Variants in SEMA3A observed in about 807,000 individuals in gnomAD.
SEMA3A encodes semaphorin-3A.
In SEMA3A, 29 loss-of-function variants were observed where a neutral mutation model predicts 97.9. The observed-to-expected ratio is 0.30, with a 90% CI of 0.22 to 0.40. SEMA3A has a LOEUF of 0.40. Ranked by LOEUF, SEMA3A falls within the 10% of genes least tolerant of loss-of-function variation. The pLI is 1.00. For synonymous variants in SEMA3A, 321 were observed against 323.7 expected, an observed-to-expected ratio of 0.99 and a Z score of 0.09; for missense variants, 763 against 951.3, an observed-to-expected ratio of 0.80 and a Z score of 2.60.
At chr7:84,190,660 GA>G (rs1396842846) in intron 1 of SEMA3A, among the ~76,000 whole-genome samples, 3 of 149,058 alleles carry the variant, frequency 2.0e-5, no homozygotes, top group Non-Finnish European at 3.0e-5. Flanking sequence ...GGACATCCAT[GA>G]AAACTTTTCA....
In SEMA3A at chr7:84,007,362, C is replaced by T. The variant is rs773185532; in HGVS notation, c.1131G>A (p.Arg377=). The stretch of plus-strand genomic sequence containing the variant: ...CACCTAAGCTACTTACAGTTCCTGG[C>T]CGTGGATAGGGGACTCTTCCTTGAT... The part of the protein sequence containing the change: ...VPYQGRVPYP[R]PGTCPSKTFG... Residue 377 remains arginine (R), a synonymous_variant, in exon 10 of 17, where the codon CGG becomes CGA. Coordinates refer to ENST00000265362, the MANE Select transcript of SEMA3A (RefSeq NM_006080.3). The T allele has an allele frequency of 1.9e-6, 3 of 1,600,298 alleles. No individual in the cohort carries two copies. Among genetic ancestry groups the T allele is most frequent in the Admixed American group, 1.7e-5 (1 of 57,728 alleles).
intron 4 of SEMA3A, among the ~76,000 whole-genome samples, chr7:84,068,893 A>G (rs2115742301): frequency 1.3e-5 from 2 of 152,270 alleles, no homozygotes; most frequent in South Asian, 4.1e-4. Flanking sequence ...GAAAGCTGGC[A>G]TCCCTTTCCT....
intron 2 of SEMA3A, among the ~76,000 whole-genome samples, chr7:84,312,141 T>G (rs2115867494): frequency 6.6e-6 from 1 of 152,128 alleles, no homozygotes; most frequent in Non-Finnish European, 1.5e-5. Flanking sequence ...CTTCCAAACC[T>G]AATTTTTTGT....
At chr7:84,296,419 T>A (rs1377504600) in intron 3 of SEMA3A, among the ~76,000 whole-genome samples, 2 of 152,170 alleles carry the variant, frequency 1.3e-5, no homozygotes, top group Admixed American at 6.6e-5. Flanking sequence ...TGGAAGGATA[T>A]TTGTTTTACA....
At chr7:84,409,601 C>T (rs947148744) in intron 1 of SEMA3A, among the ~76,000 whole-genome samples, 8 of 151,942 alleles carry the variant, frequency 5.3e-5, no homozygotes, top group Non-Finnish European at 1.2e-4. Context: ...TTCTCTGAAA[C>T]GTATTTAACC....
At chr7:84,199,399 T>C (rs967332209), upstream of SEMA3A, among the ~76,000 whole-genome samples, 1 of 151,546 alleles carries the variant, frequency 6.6e-6, no homozygotes, top group East Asian at 1.9e-4. Flanking sequence ...TAAAGGAAAT[T>C]ACTAAGTTGG....
chr7:84,020,492 C>T (rs1791289095), intron 6 of SEMA3A, among the ~76,000 whole-genome samples: 1 of 151,536 alleles, frequency 6.6e-6, no homozygotes, highest in South Asian at 2.1e-4. Flanking sequence ...ATCTAGATAA[C>T]TCACTACAAC....
intron 1 of SEMA3A, among the ~76,000 whole-genome samples, chr7:84,396,573 G>C (rs1401333783): frequency 6.6e-6 from 1 of 151,750 alleles, no homozygotes; most frequent in Non-Finnish European, 1.5e-5. Flanking sequence ...TTTCATGTAA[G>C]AACTACTATC....
In SEMA3A at chr7:84,060,554, T is replaced by C. The variant is rs139295139; in HGVS notation, c.458A>G (p.Asn153Ser). 5,808 of 1,583,366 alleles carry C rather than the reference T, an allele frequency of 3.7e-3. 20 individuals carry two copies. The highest frequency in any genetic ancestry group is 4.5e-3 in the Non-Finnish European group (5,258 of 1,167,878). Residue 153 changes from asparagine to serine, a missense_variant, in exon 5 of 17, where the codon AAT (asparagine) becomes AGT (serine). By Grantham distance (46) the Asn-to-Ser change is conservative. Transcript: ENST00000265362. Reference sequence around the variant, plus strand: ...ATGTGAGTTCTCCAGCTTAAAAATATTGTCCTGTGGATTTAAAAAAGAAAG... The same window carrying C: ...ATGTGAGTTCTCCAGCTTAAAAATACTGTCCTGTGGATTTAAAAAAGAAAG... ...YIEIGHHPED[N>S]IFKLENSHFE...
intron 6 of SEMA3A, among the ~76,000 whole-genome samples, chr7:84,030,828 A>C (rs911079544): frequency 6.6e-6 from 1 of 152,108 alleles, no homozygotes; most frequent in Non-Finnish European, 1.5e-5. Flanking sequence ...GATTTTATCT[A>C]ATTTTTAACA....
chr7:84,374,856 T>C (rs1403010840), intron 1 of SEMA3A, among the ~76,000 whole-genome samples: 7 of 152,094 alleles, frequency 4.6e-5, no homozygotes, highest in Non-Finnish European at 8.8e-5. Flanking sequence ...ACTGTGCTTG[T>C]GAGATGTATG....
intron 1 of SEMA3A, among the ~76,000 whole-genome samples, chr7:84,457,161 A>AGTGGATGAATAAGATTGTTGCT (rs1805706329): frequency 6.6e-6 from 1 of 151,762 alleles, no homozygotes; most frequent in Non-Finnish European, 1.5e-5. Flanking sequence ...GTGTGGAATG[A>AGTGGATGAATAAGATTGTTGCT]AGTGTTAGGA....
intron 3 of SEMA3A, among the ~76,000 whole-genome samples, chr7:84,116,034 G>A (rs1169676277): frequency 6.6e-6 from 1 of 152,072 alleles, no homozygotes; most frequent in Non-Finnish European, 1.5e-5. Flanking sequence ...TTAATTGCAT[G>A]TGAGATGTAG....
chr7:84,371,895 A>T (rs2116104262), exon 2 of SEMA3A: 1 of 152,126 alleles, frequency 6.6e-6, no homozygotes, highest in Admixed American at 6.6e-5. Context: ...GGTTTTTTTA[A>T]ATATTCTGGA....
intron 4 of SEMA3A, among the ~76,000 whole-genome samples, chr7:84,062,625 G>C (rs540513834): frequency 1.3e-5 from 2 of 152,206 alleles, no homozygotes; most frequent in Admixed American, 1.3e-4. Context: ...AGGGGTCAGG[G>C]AGTTCCCTTT....
At chr7:84,025,296 A>G (rs901934421) in intron 6 of SEMA3A, among the ~76,000 whole-genome samples, 1 of 152,208 alleles carries the variant, frequency 6.6e-6, no homozygotes, top group African/African-American at 2.4e-5. Flanking sequence ...CAAAGAAACT[A>G]GCTGGGAAAT....
chr7:84,328,963 C>CATTT (rs1372309452), intron 2 of SEMA3A, among the ~76,000 whole-genome samples: 1 of 151,802 alleles, frequency 6.6e-6, no homozygotes, highest in Non-Finnish European at 1.5e-5. Context: ...ACTTTTTATT[C>CATTT]ATTTATTTAT....
intron 1 of SEMA3A, among the ~76,000 whole-genome samples, chr7:84,168,079 T>C (rs927050186): frequency 3.9e-5 from 6 of 152,058 alleles, no homozygotes; most frequent in Non-Finnish European, 7.4e-5. Flanking sequence ...TATGAAGAAA[T>C]AAGGCACCAT....
chr7:84,319,986 A>G (rs1801607396), intron 2 of SEMA3A, among the ~76,000 whole-genome samples: 1 of 152,204 alleles, frequency 6.6e-6, no homozygotes, highest in South Asian at 2.1e-4. Flanking sequence ...AAGACAAGAA[A>G]GTAAATGATT....
Sources: gnomAD v4.1 joint callset for allele counts (sites outside exome capture counted in the v4.1 genomes callset) on GRCh38, gnomAD v4.1.1 for gene constraint, MANE v1.5 for transcripts, NCBI Gene and HGNC (gene_info 2026-07-23, HGNC 2026-07-21) for gene names.